The following RUNX1T1 variants were observed in gnomAD, a reference collection of about 807,000 sequenced individuals.
RUNX1T1 encodes protein CBFA2T1.
RUNX1T1 carries 4 observed loss-of-function variants against 62.8 expected under a neutral mutation model. The observed-to-expected ratio is 0.06, with a 90% CI of 0.03 to 0.15. The LOEUF (loss-of-function observed/expected upper bound fraction) is 0.15. Among genes scored for constraint, RUNX1T1 ranks in the 10% least tolerant of loss-of-function variants. The pLI is 1.00. For missense variants in RUNX1T1, 508 were observed against 754.3 expected, an observed-to-expected ratio of 0.67 and a Z score of 3.82; for synonymous variants, 291 against 286.0, an observed-to-expected ratio of 1.02 and a Z score of -0.18.
chr8:91,999,420 A>G (rs1405341644), intron 5 of RUNX1T1, among the ~76,000 whole-genome samples: 1 of 152,210 alleles, frequency 6.6e-6, no homozygotes, highest in Non-Finnish European at 1.5e-5. Flanking sequence ...TCTCAAAGCT[A>G]TGGAGAGAAC....
chr8:92,075,241 CT>C (rs1039610146), intron 2 of RUNX1T1, among the ~76,000 whole-genome samples: 2 of 152,218 alleles, frequency 1.3e-5, no homozygotes, highest in Admixed American at 1.3e-4. Context: ...GCAGTGGATC[CT>C]TATGCCCTGG....
chr8:92,099,148 CAT>C (rs1837925386), intron 1 of RUNX1T1, among the ~76,000 whole-genome samples: 1 of 152,136 alleles, frequency 6.6e-6, no homozygotes, highest in South Asian at 2.1e-4. Flanking sequence ...AAAAGGCAAA[CAT>C]AATTTAACAA....
At position 92,051,586 on chromosome 8, in the gene RUNX1T1, T is replaced by TCACA. The variant is rs1178991826; in HGVS notation, c.7+10956_7+10959dup. Among the ~76,000 whole-genome samples, 10 of 145,472 alleles carry TCACA rather than the reference T, an allele frequency of 6.9e-5. No homozygotes were observed. The East Asian group carries it at 1.8e-3, about 26-fold the overall frequency. On this transcript the variant is annotated intron_variant, in intron 1 of 10. Coordinates refer to ENST00000396218, the Ensembl canonical transcript of RUNX1T1. Reference sequence around the variant, plus strand: ...CTCTCACATACACACACTCTCTCTCTCACACACACACACACACTCTCTCTC... The same window carrying TCACA: ...CTCTCACATACACACACTCTCTCTCTCACACACACACACACACACACTCTCTCTC...
intron 9 of RUNX1T1, among the ~76,000 whole-genome samples, chr8:91,971,638 A>G (rs1190142740): frequency 1.3e-5 from 2 of 152,238 alleles, no homozygotes; most frequent in Non-Finnish European, 2.9e-5. Flanking sequence ...GTTTTAAAAA[A>G]TAATCTCATT....
At chr8:92,078,642 G>A (rs1834784218) in intron 1 of RUNX1T1, among the ~76,000 whole-genome samples, 1 of 152,154 alleles carries the variant, frequency 6.6e-6, no homozygotes, top group Non-Finnish European at 1.5e-5. Flanking sequence ...TCAATGGTAT[G>A]AAGTAATGAA....
intron 6 of RUNX1T1, among the ~76,000 whole-genome samples, 180 bp downstream of exon 7, chr8:91,991,459 C>T (rs1817660730): frequency 6.6e-6 from 1 of 152,064 alleles, no homozygotes; most frequent in Non-Finnish European, 1.5e-5. Flanking sequence ...AGAGAAAGTA[C>T]AGCTGTTAAA....
chr8:92,100,758 A>G (rs1049369113), upstream of RUNX1T1, among the ~76,000 whole-genome samples: 1 of 152,250 alleles, frequency 6.6e-6, no homozygotes, highest in African/African-American at 2.4e-5. Flanking sequence ...GAAAATCATA[A>G]TATTACAAAC....
intron 5 of RUNX1T1, among the ~76,000 whole-genome samples, chr8:91,995,326 T>C (rs890689313): frequency 4.6e-5 from 7 of 152,206 alleles, no homozygotes; most frequent in East Asian, 1.9e-4. Flanking sequence ...GCATTTTTTT[T>C]CTAAAGCAAG....
Position 92,096,573 on chromosome 8 carries a change from A to T in RUNX1T1, c.-86+3007T>A, listed in dbSNP as rs532145273. Among the ~76,000 whole-genome samples the T allele has an allele frequency of 1.4e-3, 218 of 152,228 alleles. 1 individual carries two copies. The highest frequency in any genetic ancestry group is 0.014 in the Middle Eastern group (4 of 294). On this transcript the variant is annotated intron_variant, in intron 1 of 11. Coordinates refer to the RUNX1T1 transcript ENST00000265814. Reference sequence around the variant, plus strand: ...ATAATGCAGCAAAGGAGGTTATTTTATTGGGGGAGGGGAAGTATTTGGTTG... The same window carrying T: ...ATAATGCAGCAAAGGAGGTTATTTTTTTGGGGGAGGGGAAGTATTTGGTTG...
chr8:92,043,077 T>C (rs1354864626), intron 1 of RUNX1T1, among the ~76,000 whole-genome samples: 1 of 152,218 alleles, frequency 6.6e-6, no homozygotes, highest in African/African-American at 2.4e-5. Flanking sequence ...TGAAGGCATA[T>C]GTCTTATTGG....
chr8:91,959,484 GTGTGTATA>G (rs1307518297), exon 11 of RUNX1T1: 4,205 of 161,144 alleles, frequency 0.026, 152 homozygotes, highest in African/African-American at 0.053. Flanking sequence ...GCGTGTGTGT[GTGTGTATA>G]TATATATATA....
intron 9 of RUNX1T1, among the ~76,000 whole-genome samples, chr8:91,973,914 T>C (rs1438388887): frequency 1.3e-5 from 2 of 152,050 alleles, no homozygotes; most frequent in East Asian, 1.9e-4. Flanking sequence ...AGTTTAGGGA[T>C]ACCACTGTGA....
rs959771435 is a variant in RUNX1T1, at chr8:92,031,070, C to T, written c.8-13707G>A. ...CAATCTCTGGGCATAGCATTATTTT[C>T]CACTGAGCTAACCAAGCCAAAATAC... On this transcript the variant is annotated intron_variant, in intron 1 of 10. Coordinates refer to ENST00000396218, the Ensembl canonical transcript of RUNX1T1. Among the ~76,000 whole-genome samples, 4 of 152,182 alleles carry T rather than the reference C, an allele frequency of 2.6e-5. No individual in the cohort carries two copies. In the South Asian group the frequency reaches 6.2e-4, roughly 24 times the overall value.
At chr8:92,039,146 T>TG (rs992726193) in intron 1 of RUNX1T1, among the ~76,000 whole-genome samples, 34 of 148,336 alleles carry the variant, frequency 2.3e-4, no homozygotes, top group African/African-American at 5.1e-4. Flanking sequence ...TTGTTGTTGT[T>TG]TTTTTTTTTT....
intron 8 of RUNX1T1, among the ~76,000 whole-genome samples, chr8:91,984,390 G>C (rs534125526): frequency 6.6e-6 from 1 of 152,266 alleles, no homozygotes; most frequent in Admixed American, 6.5e-5. Context: ...GTGGATGGCA[G>C]ATAATAGCAA....
chr8:92,011,734 T>C (rs1160626997), intron 3 of RUNX1T1, among the ~76,000 whole-genome samples: 1 of 152,142 alleles, frequency 6.6e-6, no homozygotes, highest in African/African-American at 2.4e-5. Context: ...CCACTTATCC[T>C]AGAGGCAACT....
intron 1 of RUNX1T1, among the ~76,000 whole-genome samples, chr8:92,060,553 A>G (rs7820238): frequency 0.33 from 20,433 of 62,456 alleles, 2,894 homozygotes; most frequent in East Asian, 0.62. Context: ...ATATATATAT[A>G]TGTGTGTGTG....
intron 1 of RUNX1T1, among the ~76,000 whole-genome samples, chr8:92,053,148 A>AATATTATTTATTATTCTATATTATAT (rs1296492393): frequency 1.0e-3 from 153 of 152,138 alleles, no homozygotes; most frequent in South Asian, 3.1e-3. Context: ...TTTTAAAGAA[A>AATATTATTTATTATTCTATATTATAT]ATATATATTA....
chr8:91,992,454 A>G (rs1201414550), intron 5 of RUNX1T1, among the ~76,000 whole-genome samples: 2 of 152,250 alleles, frequency 1.3e-5, no homozygotes, highest in African/African-American at 2.4e-5. Context: ...CAGTATCACT[A>G]GCCACATTTC....
Sources: gnomAD v4.1 joint callset for allele counts (sites outside exome capture counted in the v4.1 genomes callset) on GRCh38, gnomAD v4.1.1 for gene constraint, MANE v1.5 for transcripts, NCBI Gene and HGNC (gene_info 2026-07-23, HGNC 2026-07-21) for gene names.